The following POU2F2 variants were observed in gnomAD, a reference collection of about 807,000 sequenced individuals.
POU2F2 encodes the protein POU domain, class 2, transcription factor 2.
A neutral mutation model predicts 63.5 loss-of-function variants in POU2F2; 14 were observed. The ratio of observed to expected loss-of-function variants is 0.22; its 90% confidence interval spans 0.15 to 0.34. The LOEUF (loss-of-function observed/expected upper bound fraction) is 0.34, where lower values mean the gene tolerates loss of function less well. POU2F2 is among the 10% of genes least tolerant of loss of function. The pLI, the probability that POU2F2 is intolerant of heterozygous loss-of-function variation, is 1.00. For missense variants in POU2F2, 607 were observed against 815.2 expected (o/e 0.74, Z 3.11); for synonymous variants, 306 against 348.6 (o/e 0.88, Z 1.36).
At position 42,155,217 on chromosome 19, in the gene POU2F2, G is replaced by A. The variant is rs923094179; in HGVS notation, c.-9+5115C>T. ...TCATCTTTCTCTGATGCACTCTCAT[G>A]CGCTCAGCTCGCATGCACGCGCCCT... On this transcript the variant is annotated intron_variant, in intron 2 of 6. Coordinates refer to the POU2F2 transcript ENST00000524801. The surrounding 1 kb of genome is among the most constrained non-coding windows in gnomAD (Gnocchi z 4.2). Among the ~76,000 whole-genome samples, 2 of 152,206 alleles carry A rather than the reference G, an allele frequency of 1.3e-5. No individual in the cohort carries two copies. Among genetic ancestry groups the A allele is most frequent in the Non-Finnish European group, 2.9e-5 (2 of 68,038 alleles).
upstream of POU2F2, among the ~76,000 whole-genome samples, chr19:42,134,851 CGACAA>C (rs1483449206): frequency 6.6e-6 from 1 of 152,112 alleles, no homozygotes; most frequent in Non-Finnish European, 1.5e-5. Flanking sequence ...GTTTGACTCC[CGACAA>C]GACAATAATC....
chr19:42,152,176 C>A lies in POU2F2; in HGVS notation c.-9+8156G>T, dbSNP rs2034364801. ...GCTGAGGCAATGAACAGCTGTGAGC[C>A]CCCATGCCCACAGGGATATGGAGCC... is the stretch of plus-strand genomic sequence containing the variant. On this transcript the variant is annotated intron_variant, in intron 2 of 6. Coordinates refer to the POU2F2 transcript ENST00000524801. The surrounding 1 kb of genome is among the most constrained non-coding windows in gnomAD (Gnocchi z 4.1). Among the ~76,000 whole-genome samples, 1 of 152,166 alleles carries A rather than the reference C, an allele frequency of 6.6e-6. No homozygotes were observed. Among genetic ancestry groups the A allele is most frequent in the Admixed American group, 6.5e-5 (1 of 15,284 alleles).
upstream of POU2F2, chr19:42,133,090 G>A (rs1194800242): frequency 6.6e-6 from 1 of 152,304 alleles, no homozygotes; most frequent in Non-Finnish European, 1.5e-5. The surrounding 1 kb of genome is among the most constrained non-coding windows in gnomAD (Gnocchi z 5.1). Context: ...TAGTGGGGAC[G>A]GTGGGTCGGG....
chr19:42,179,776 G>A (rs770821581), upstream of POU2F2, among the ~76,000 whole-genome samples: 29 of 152,226 alleles, frequency 1.9e-4, no homozygotes, highest in Admixed American at 1.4e-3. Context: ...CACCTACCCC[G>A]TGGGCGTACA....
chr19:42,119,980 A>T (rs1293895958), intron 4 of POU2F2, among the ~76,000 whole-genome samples: 1 of 151,304 alleles, frequency 6.6e-6, no homozygotes, highest in Non-Finnish European at 1.5e-5. Flanking sequence ...GTGCAGTGGC[A>T]CCATCAGGAC....
chr19:42,195,812 T>C (rs1256880214), intron 1 of POU2F2, among the ~76,000 whole-genome samples: 31 of 140,812 alleles, frequency 2.2e-4, no homozygotes, highest in African/African-American at 6.6e-4. Context: ...CAGAGTCTCA[T>C]TCTGTTGCCC....
Position 42,155,577 on chromosome 19 carries a change from G to A in POU2F2, c.-9+4755C>T, listed in dbSNP as rs1293329873. The A allele has an allele frequency of 6.6e-6, 1 of 152,400 alleles. No individual in the cohort carries two copies. The highest frequency in any genetic ancestry group is 1.5e-5 in the Non-Finnish European group (1 of 68,178). The allele number at this position is 152,400 out of a possible 1,614,324, so 9.4% of individuals were successfully genotyped here. On this transcript the variant is annotated intron_variant, in intron 2 of 6. Coordinates refer to the POU2F2 transcript ENST00000524801. This position sits in a 1 kb window ranked among gnomAD's most constrained non-coding sequence, Gnocchi z 4.2. ...TTGAAAGTTTGAGAAAAGCAAGGGTGGATCACTGTGTAAAGGACCTCAGAA... is the reference window on the plus strand; with the variant it reads ...TTGAAAGTTTGAGAAAAGCAAGGGTAGATCACTGTGTAAAGGACCTCAGAA...
At chr19:42,114,074 G>C (rs1600083863) in intron 5 of POU2F2, among the ~76,000 whole-genome samples, 2 of 152,170 alleles carry the variant, frequency 1.3e-5, no homozygotes, top group Non-Finnish European at 2.9e-5. Flanking sequence ...GGGGAAGGAG[G>C]AGTGAGAGGA....
At chr19:42,182,254 G>A (rs1054541856) in intron 1 of POU2F2, among the ~76,000 whole-genome samples, 33 of 149,902 alleles carry the variant, frequency 2.2e-4, no homozygotes, top group South Asian at 1.1e-3. Context: ...GAGAGAGAGA[G>A]AGAGAGAGAG....
At position 42,117,746 on chromosome 19, in the gene POU2F2, G is replaced by A. The variant is rs775619304; in HGVS notation, c.187-314C>T. Among the ~76,000 whole-genome samples, 3 of 151,812 alleles carry A rather than the reference G, an allele frequency of 2.0e-5. No homozygotes were observed. The highest frequency in any genetic ancestry group is 6.6e-5 in the Admixed American group (1 of 15,236). ...TGTAACCCTAGCACTTTGGGAGGTC[G>A]AGGCAGGCGGATCACTTGGGGTCAG... is the stretch of plus-strand genomic sequence containing the variant. On this transcript the variant is annotated intron_variant, in intron 4 of 14. Transcript: ENST00000692977. This position sits in a 1 kb window ranked among gnomAD's most constrained non-coding sequence, Gnocchi z 4.4.
At chr19:42,130,267 A>G (rs906794898) in intron 1 of POU2F2, among the ~76,000 whole-genome samples, 2 of 152,146 alleles carry the variant, frequency 1.3e-5, no homozygotes, top group African/African-American at 4.8e-5. Context: ...AGCCAGAGAT[A>G]CACACCCAGA....
chr19:42,132,693 C>T (rs1568405634), upstream of POU2F2: 6 of 380,558 alleles, frequency 1.6e-5, no homozygotes, highest in Non-Finnish European at 2.8e-5. Flanking sequence ...CAACAGTTGC[C>T]CCCCGACTTC....
intron 1 of POU2F2, chr19:42,123,186 G>C (rs1199674629): frequency 6.6e-6 from 1 of 152,488 alleles, no homozygotes; most frequent in Non-Finnish European, 1.5e-5. Context: ...TAGCACACCG[G>C]CCTAGCAGAC....
chr19:42,194,999 AAGGG>A (rs2035118197), intron 1 of POU2F2, among the ~76,000 whole-genome samples: 1 of 75,136 alleles, frequency 1.3e-5, no homozygotes, highest in Non-Finnish European at 2.7e-5. Context: ...GGGAGGGAGG[AAGGG>A]AGGGAGAGAG....
intron 1 of POU2F2, among the ~76,000 whole-genome samples, chr19:42,128,838 CTTT>C (rs57927769): frequency 7.0e-6 from 1 of 143,426 alleles, no homozygotes; most frequent in Non-Finnish European, 1.5e-5. Context: ...AGGTGATTCT[CTTT>C]TTTTTTTTTT....
intron 1 of POU2F2, among the ~76,000 whole-genome samples, chr19:42,130,913 T>A (rs1600161391): frequency 5.4e-5 from 4 of 73,476 alleles, no homozygotes; most frequent in African/African-American, 5.5e-5. Context: ...CCCCTCTGCC[T>A]GGGCCTCCCC....
At chr19:42,131,325 C>G (rs2033709494) in intron 1 of POU2F2, among the ~76,000 whole-genome samples, 1 of 152,132 alleles carries the variant, frequency 6.6e-6, no homozygotes, top group African/African-American at 2.4e-5. Context: ...CAACACAGAA[C>G]TACTCAATAG....
intron 2 of POU2F2, among the ~76,000 whole-genome samples, chr19:42,137,631 C>A (rs575551000): frequency 2.6e-5 from 4 of 151,806 alleles, no homozygotes; most frequent in African/African-American, 7.3e-5. Flanking sequence ...GAGGCTGAGG[C>A]GGGAAGATTG....
chr19:42,195,137 C>CGAAG (rs2035126385), intron 1 of POU2F2, among the ~76,000 whole-genome samples: 1 of 57,156 alleles, frequency 1.7e-5, no homozygotes, highest in African/African-American at 7.3e-5. Flanking sequence ...GAGGGAGGAA[C>CGAAG]GAAGGGAGGG....
Sources: gnomAD v4.1 joint callset for allele counts (sites outside exome capture counted in the v4.1 genomes callset) on GRCh38, gnomAD v4.1.1 for gene constraint, Gnocchi (gnomAD v3.1) non-coding constraint, MANE v1.5 for transcripts, NCBI Gene and HGNC (gene_info 2026-07-23, HGNC 2026-07-21) for gene names.